Variants in LAMA1 observed in about 807,000 individuals in gnomAD.
LAMA1 encodes the protein laminin subunit alpha 1.
In LAMA1, 219 loss-of-function variants were observed where a neutral mutation model predicts 348.7. The observed-to-expected ratio is 0.63, with a 90% CI of 0.56 to 0.70. The LOEUF is 0.70. Ranked by LOEUF, LAMA1 falls within the 30% of genes least tolerant of loss-of-function variation. LAMA1 has a pLI of 0.00. For synonymous variants in LAMA1, 1,487 were observed against 1,491.0 expected, an observed-to-expected ratio of 1.00 and a Z score of 0.06; for missense variants, 3,744 against 3,888.0, an observed-to-expected ratio of 0.96 and a Z score of 0.99.
chr18:6,962,933 C>T (rs2057615015), intron 51 of LAMA1, among the ~76,000 whole-genome samples: 1 of 152,184 alleles, frequency 6.6e-6, no homozygotes, highest in Admixed American at 6.5e-5. Flanking sequence ...TGAGGTCAGG[C>T]TATAATGTAG....
chr18:7,038,311 C>T (rs1319941147), intron 11 of LAMA1, among the ~76,000 whole-genome samples: 1 of 152,142 alleles, frequency 6.6e-6, no homozygotes, highest in Admixed American at 6.5e-5. Flanking sequence ...CACCACTGGA[C>T]ACCCCTGTTG....
At chr18:6,966,599 T>C (rs949682938) in intron 48 of LAMA1, among the ~76,000 whole-genome samples, 7 of 152,214 alleles carry the variant, frequency 4.6e-5, no homozygotes, top group African/African-American at 1.7e-4. Context: ...ATTTATTTAT[T>C]CTAATCTCCT....
intron 3 of LAMA1, among the ~76,000 whole-genome samples, chr18:7,066,230 T>G (rs1389571701): frequency 6.6e-6 from 1 of 152,240 alleles, no homozygotes. Flanking sequence ...TCCCAGTGCA[T>G]ATTCGTGAAT....
rs1350812943 is a variant in LAMA1 at position 7,038,880 on chromosome 18, C to T, written c.1493G>A (p.Arg498Gln). ...GFYNLKEKNP[R>Q]GCSECFCFGV... ...AAAGCAGAAGCACTCGGAGCAGCCC[C>T]GGGGGTTTTTTTCCTTCAAGTTATA... The change falls in exon 11 of 63, where the codon CGG becomes CAG. Residue 498 changes from arginine to glutamine, a missense_variant. Around this residue, in one of 3 missense-constraint regions of LAMA1, gnomAD observed 1,529 missense variants for 1,689.4 expected, o/e 0.91. Transcript: ENST00000389658. 1.9e-6 allele frequency: 3 copies of T among 1,614,020 alleles called. No homozygotes were observed. The highest frequency in any genetic ancestry group is 1.3e-5 in the African/African-American group (1 of 74,922).
intron 11 of LAMA1, 96 bp downstream of exon 11, chr18:7,038,713 CG>C (rs1568041824): frequency 1.3e-6 from 2 of 1,511,662 alleles, no homozygotes; most frequent in African/African-American, 2.7e-5. Context: ...AGTGGTGTCA[CG>C]GGAAGTCATC....
At chr18:6,967,925 T>C (rs2057641065) in intron 48 of LAMA1, among the ~76,000 whole-genome samples, 1 of 151,744 alleles carries the variant, frequency 6.6e-6, no homozygotes, top group African/African-American at 2.4e-5. Flanking sequence ...TGGAGTGAGG[T>C]GGCCACGAAG....
intron 3 of LAMA1, among the ~76,000 whole-genome samples, chr18:7,079,138 T>A (rs1248939720): frequency 6.6e-6 from 1 of 152,190 alleles, no homozygotes. Flanking sequence ...TTTTAACCGA[T>A]CTCATATTTT....
intron 58 of LAMA1, 43 bp downstream of exon 58, chr18:6,950,739 A>G: frequency 6.2e-7 from 1 of 1,605,760 alleles, no homozygotes; most frequent in African/African-American, 1.3e-5. Flanking sequence ...GATAGATGGA[A>G]CAGAACTCAG....
rs544042229 is a variant in LAMA1 at position 6,945,700 on chromosome 18, G to A, written c.8844+1463C>T. On this transcript the variant is annotated intron_variant, in intron 61 of 62. Coordinates refer to ENST00000389658, the MANE Select transcript of LAMA1 (RefSeq NM_005559.4). ...TTTGCACATGACCCCACGGGGAAGC[G>A]GGAAGATGAAGAGGTGGCACTACTC... 5.9e-5 allele frequency among the ~76,000 whole-genome samples: 9 copies of A among 152,236 alleles called. No individual in the cohort carries two copies. The South Asian group carries it at 1.0e-3, about 18-fold the overall frequency.
chr18:7,041,597 GT>G (rs781056613), intron 9 of LAMA1, among the ~76,000 whole-genome samples: 3 of 152,208 alleles, frequency 2.0e-5, no homozygotes, highest in Non-Finnish European at 2.9e-5. Context: ...CAATTTGCCA[GT>G]TTTTGAAACG....
At chr18:6,985,427 T>C in intron 38 of LAMA1, 27 bp from the exon 39 acceptor site, 1 of 1,612,696 alleles carries the variant, frequency 6.2e-7, no homozygotes, top group Non-Finnish European at 8.5e-7. Flanking sequence ...ATATTGTAAA[T>C]ATATGCACAT....
Position 7,038,948 on chromosome 18 carries a change from T to C in LAMA1, c.1425A>G (p.Glu475=), listed in dbSNP as rs1163655796. The C allele has an allele frequency of 6.2e-7, 1 of 1,612,580 alleles. No individual in the cohort carries two copies. The highest frequency in any genetic ancestry group is 1.1e-5 in the South Asian group (1 of 91,046). Residue 475 remains glutamate, a splice_region_variant and synonymous_variant, in exon 11 of 63, where the codon GAA becomes GAG. Coordinates refer to ENST00000389658, the MANE Select transcript of LAMA1 (RefSeq NM_005559.4). ...GATCACAGGCCTTCCCCTCAACGTT[T>C]TCCTGTAAGTTAGGGTAAAAGATTA... ...EPCTGPCVCK[E]NVEGKACDRC... is the part of the protein sequence containing the mutation.
chr18:7,049,745 A>C (rs777140000), intron 4 of LAMA1, among the ~76,000 whole-genome samples: 8 of 152,230 alleles, frequency 5.3e-5, no homozygotes, highest in Non-Finnish European at 8.8e-5. Flanking sequence ...CTTGTGAATT[A>C]CCATGATCTC....
At chr18:7,072,880 G>A (rs748022) in intron 3 of LAMA1, among the ~76,000 whole-genome samples, 20,736 of 151,982 alleles carry the variant, frequency 0.14, 4,664 homozygotes, top group African/African-American at 0.47. Flanking sequence ...GGGCTGGAGG[G>A]AGGCAGGACT....
Position 6,977,754 on chromosome 18 carries a change from GATC to G in LAMA1, c.6315_6317del (p.Leu2105_Ile2106delinsPhe). 6.2e-7 allele frequency: 1 copy of G among 1,614,122 alleles called. No homozygotes were observed. Among genetic ancestry groups the G allele is most frequent in the South Asian group, 1.1e-5 (1 of 91,072 alleles). On this transcript the variant is annotated inframe_deletion, in exon 44 of 63. Transcript: ENST00000389658. Reference sequence around the variant, plus strand: ...AAGCTGCTTGTTTGCGGGCCTGGCTGATCAACAGTTTAATTTCTGATAGGTTTC... The same window carrying G: ...AAGCTGCTTGTTTGCGGGCCTGGCTGAACAGTTTAATTTCTGATAGGTTTC...
chr18:6,976,728 T>A (rs551890140), intron 44 of LAMA1, among the ~76,000 whole-genome samples: 48 of 152,190 alleles, frequency 3.2e-4, no homozygotes, highest in Middle Eastern at 3.4e-3. Flanking sequence ...TGCCTCAGCC[T>A]CCTGAGTAGC....
intron 29 of LAMA1, among the ~76,000 whole-genome samples, chr18:7,006,135 GA>G (rs1249901888): frequency 6.6e-6 from 1 of 152,176 alleles, no homozygotes. Context: ...TCAGGAGTAG[GA>G]AACGAATATC....
rs2057625097 is a variant in LAMA1 at position 6,964,791 on chromosome 18, A to G, written c.7208T>C (p.Val2403Ala). The change falls in exon 51 of 63, where the codon GTT becomes GCT. Residue 2403 changes from valine to alanine, a missense_variant. Transcript: ENST00000389658. ...ATTACTGGTGTTATAGGCATCGATA[A>G]CTGCTAGCACTCCTAAAAGGAGAGC... ...QRNRKQGVLAVIDAYNTSNKE... is the reference protein window; with the variant it reads ...QRNRKQGVLAAIDAYNTSNKE... 2 of 1,614,098 alleles carry G rather than the reference A, an allele frequency of 1.2e-6. No individual in the cohort carries two copies. Among genetic ancestry groups the G allele is most frequent in the Non-Finnish European group, 8.5e-7 (1 of 1,180,012 alleles).
chr18:7,012,073 G>A lies in LAMA1; in HGVS notation c.3429C>T (p.Asn1143=). 3.1e-6 allele frequency: 5 copies of A among 1,613,230 alleles called. No individual in the cohort carries two copies. Among genetic ancestry groups the A allele is most frequent in the African/African-American group, 1.3e-5 (1 of 75,052 alleles). Residue 1143 remains asparagine, a synonymous_variant, in exon 24 of 63, where the codon AAC becomes AAT. Transcript: ENST00000389658. ...AGAAGCACGGGCTGCAGCCCAGGGG[G>A]TTGTCTGCGCGGAGAGCGAAGGTGC... ...REGTFALRAD[N]PLGCSPCFCS...
Sources: gnomAD v4.1 joint callset for allele counts (sites outside exome capture counted in the v4.1 genomes callset) on GRCh38, gnomAD v4.1.1 for gene constraint, gnomAD v4.1.1 regional missense constraint, MANE v1.5 for transcripts, NCBI Gene and HGNC (gene_info 2026-07-23, HGNC 2026-07-21) for gene names.